DGLUCY: variants seen among roughly 807,000 people sequenced by gnomAD.
DGLUCY encodes D-glutamate cyclase, mitochondrial.
Under a neutral mutation model 58.5 loss-of-function variants are expected in DGLUCY, and 58 were observed. That is an observed-to-expected ratio of 0.99 (90% CI 0.80 to 1.23). The LOEUF (loss-of-function observed/expected upper bound fraction) is 1.23. Ranked by LOEUF, DGLUCY falls within the 50% of genes most tolerant of loss-of-function variation. The pLI is 0.00. For synonymous variants in DGLUCY, 325 were observed against 314.1 expected (o/e 1.03, Z -0.37); for missense variants, 779 against 784.7 (o/e 0.99, Z 0.09).
At chr14:91,110,994 A>C (rs1024195966), upstream of DGLUCY, among the ~76,000 whole-genome samples, 4 of 152,062 alleles carry the variant, frequency 2.6e-5, no homozygotes, top group Admixed American at 6.6e-5. Context: ...GAGATCGTAT[A>C]ATATTTTTTT....
chr14:91,060,336 C>A (rs754930685), exon 1 of DGLUCY: 2 of 1,398,648 alleles, frequency 1.4e-6, no homozygotes, highest in Admixed American at 2.5e-5. Flanking sequence ...GCTCACCAGT[C>A]CGCAGCTCGT....
chr14:91,164,513 G>A (rs1304766987), intron 3 of DGLUCY, among the ~76,000 whole-genome samples: 1 of 152,206 alleles, frequency 6.6e-6, no homozygotes, highest in Admixed American at 6.5e-5. Flanking sequence ...AAGGATTTGG[G>A]TGTTGTGATC....
chr14:91,133,795 C>T (rs181778694), intron 1 of DGLUCY, among the ~76,000 whole-genome samples: 12 of 152,222 alleles, frequency 7.9e-5, no homozygotes, highest in African/African-American at 2.4e-4. Flanking sequence ...GTGTCCTCAC[C>T]GATACTTCTT....
chr14:91,130,048 TGTACTGTTTAGA>T (rs1488031480), intron 1 of DGLUCY, among the ~76,000 whole-genome samples: 1 of 152,220 alleles, frequency 6.6e-6, no homozygotes, highest in Non-Finnish European at 1.5e-5. Context: ...CCACATTGCA[TGTACTGTTTAGA>T]GTGTATAACT....
rs186188639 is a variant in DGLUCY at position 91,184,190 on chromosome 14, G to C, written c.934+2801G>C. 2.4e-3 allele frequency among the ~76,000 whole-genome samples: 363 copies of C among 152,132 alleles called. 2 individuals carry two copies. The highest frequency in any genetic ancestry group is 3.4e-3 in the Middle Eastern group (1 of 294). On this transcript the variant is annotated intron_variant, in intron 8 of 13. Transcript: ENST00000256324. ...GGACTGATTCCAGCACCAGTTTAAA[G>C]CCTACAGCAGCTGGGTAGAACCCCA...
chr14:91,124,822 T>C (rs1322641192), intron 1 of DGLUCY, among the ~76,000 whole-genome samples: 3 of 152,250 alleles, frequency 2.0e-5, no homozygotes, highest in Non-Finnish European at 4.4e-5. Context: ...GTGCTAACAT[T>C]CTTAAATATC....
intron 1 of DGLUCY, among the ~76,000 whole-genome samples, chr14:91,078,425 T>C (rs1383645620): frequency 6.6e-6 from 1 of 152,186 alleles, no homozygotes; most frequent in Non-Finnish European, 1.5e-5. Flanking sequence ...AAATGAAAAC[T>C]TGTGGTTTTA....
chr14:91,208,824 T>A (rs1885190443), intron 12 of DGLUCY, among the ~76,000 whole-genome samples: 1 of 152,228 alleles, frequency 6.6e-6, no homozygotes, highest in Non-Finnish European at 1.5e-5. Context: ...AATGTTTTGT[T>A]ATAAGTTGCT....
intron 8 of DGLUCY, among the ~76,000 whole-genome samples, chr14:91,183,877 G>A (rs575573866): frequency 1.3e-5 from 2 of 152,132 alleles, no homozygotes; most frequent in East Asian, 3.9e-4. Context: ...GTGCTCTAGC[G>A]ACTCCTGGTT....
At chr14:91,111,260 A>G (rs554046306), upstream of DGLUCY, among the ~76,000 whole-genome samples, 85 of 144,246 alleles carry the variant, frequency 5.9e-4, 1 homozygote, top group African/African-American at 2.0e-3. Context: ...ATATATCTAT[A>G]TATCTATATC....
intron 8 of DGLUCY, among the ~76,000 whole-genome samples, chr14:91,183,490 C>G: frequency 6.6e-6 from 1 of 152,194 alleles, no homozygotes; most frequent in Non-Finnish European, 1.5e-5. Flanking sequence ...GCCCATACCT[C>G]AGTTTCTTCA....
At chr14:91,131,426 C>CAA (rs2046018108) in intron 1 of DGLUCY, among the ~76,000 whole-genome samples, 1 of 151,462 alleles carries the variant, frequency 6.6e-6, no homozygotes, top group African/African-American at 2.4e-5. Flanking sequence ...ATTCCATTTA[C>CAA]ATTCATTGTC....
chr14:91,143,157 G>T (rs562413991), intron 1 of DGLUCY, among the ~76,000 whole-genome samples: 2 of 151,178 alleles, frequency 1.3e-5, no homozygotes, highest in South Asian at 2.1e-4. Flanking sequence ...GTGCAGTGGC[G>T]CAATCTCGGC....
intron 1 of DGLUCY, among the ~76,000 whole-genome samples, chr14:91,115,977 G>A (rs2044914866): frequency 6.6e-6 from 1 of 152,100 alleles, no homozygotes; most frequent in African/African-American, 2.4e-5. Context: ...GGTTCCTGTG[G>A]GCAATGCAGA....
At chr14:91,111,044 T>G (rs1302591936), upstream of DGLUCY, among the ~76,000 whole-genome samples, 1 of 152,132 alleles carries the variant, frequency 6.6e-6, no homozygotes, top group Non-Finnish European at 1.5e-5. Context: ...CGTTTTTGTC[T>G]CAGTCTGTTA....
rs116013069 is a variant in DGLUCY, at chr14:91,155,311, T to A, written c.-81-2328T>A. 2.8e-3 allele frequency among the ~76,000 whole-genome samples: 420 copies of A among 152,248 alleles called. 4 individuals carry two copies. The highest frequency in any genetic ancestry group is 9.6e-3 in the African/African-American group (399 of 41,548). On this transcript the variant is annotated intron_variant, in intron 1 of 13. Coordinates refer to ENST00000256324, the MANE Select transcript of DGLUCY (RefSeq NM_001102368.3). ...AACATGGGTAACACTTCCACAGCGC[T>A]AACTGTGAACCGGCCAGAAGTGTCC...
At chr14:91,166,180 A>G (rs2048271793) in intron 3 of DGLUCY, among the ~76,000 whole-genome samples, 2 of 152,160 alleles carry the variant, frequency 1.3e-5, no homozygotes, top group Non-Finnish European at 2.9e-5. Flanking sequence ...CTTGATCTGG[A>G]TGCTGGTTAC....
intron 12 of DGLUCY, among the ~76,000 whole-genome samples, chr14:91,210,684 C>T (rs1451223223): frequency 1.3e-5 from 2 of 152,106 alleles, no homozygotes; most frequent in African/African-American, 2.4e-5. Context: ...ATGATAAAAA[C>T]TTTCAGCAAA....
At chr14:91,095,432 T>C (rs1055393731) in intron 1 of DGLUCY, among the ~76,000 whole-genome samples, 8 of 152,184 alleles carry the variant, frequency 5.3e-5, no homozygotes, top group African/African-American at 1.9e-4. Context: ...ATAAGGGTGC[T>C]TGTCACCGCA....
Sources: allele counts gnomAD v4.1 joint callset (sites outside exome capture counted in the v4.1 genomes callset), GRCh38; gene constraint gnomAD v4.1.1; transcripts MANE v1.5; gene names NCBI Gene and HGNC (gene_info 2026-07-23, HGNC 2026-07-21).